Variants in ERBB4 observed in about 807,000 individuals in gnomAD.
ERBB4 encodes erb-b2 receptor tyrosine kinase 4.
ERBB4 carries 42 observed loss-of-function variants against 158.0 expected under a neutral mutation model. The observed-to-expected ratio is 0.27, with a 90% CI of 0.21 to 0.34. ERBB4 has a LOEUF of 0.34. ERBB4 is among the 10% of genes least tolerant of loss of function. ERBB4 has a pLI of 1.00. For synonymous variants in ERBB4, 583 were observed against 558.7 expected, an observed-to-expected ratio of 1.04 and a Z score of -0.61; for missense variants, 1,333 against 1,624.1, an observed-to-expected ratio of 0.82 and a Z score of 3.08.
At chr2:211,415,366 G>A (rs899025286) in intron 25 of ERBB4, among the ~76,000 whole-genome samples, 6 of 151,138 alleles carry the variant, frequency 4.0e-5, no homozygotes, top group African/African-American at 9.8e-5. Context: ...TGATCCGCCC[G>A]CCTCTGCCTC....
chr2:212,086,762 C>G (rs2078626736), intron 2 of ERBB4, among the ~76,000 whole-genome samples: 1 of 152,050 alleles, frequency 6.6e-6, no homozygotes, highest in South Asian at 2.1e-4. Context: ...ACGGCTTCCC[C>G]TTATCTTCCA....
At chr2:211,602,383 C>A (rs1324997180) in intron 19 of ERBB4, among the ~76,000 whole-genome samples, 1 of 151,984 alleles carries the variant, frequency 6.6e-6, no homozygotes, top group African/African-American at 2.4e-5. Flanking sequence ...TACCAGCAAG[C>A]CCCCTCACAA....
chr2:212,485,230 T>C (rs1689910136), intron 1 of ERBB4, among the ~76,000 whole-genome samples: 1 of 152,184 alleles, frequency 6.6e-6, no homozygotes, highest in Admixed American at 6.5e-5. Context: ...TTCTATTAGC[T>C]CCACATCACC....
chr2:212,258,540 G>A (rs1007873084), intron 1 of ERBB4, among the ~76,000 whole-genome samples: 2 of 149,926 alleles, frequency 1.3e-5, no homozygotes, highest in African/African-American at 2.4e-5. Flanking sequence ...GTAATAAAAG[G>A]TAAATTTTAA....
chr2:211,653,864 T>C lies in ERBB4; in HGVS notation c.1946+3890A>G, dbSNP rs555260404. Reference sequence around the variant, plus strand: ...TAATTTTTTGTATTTTTAGTAGAGATGGGGTTTCACCGTGTTAGCCAGGCT... The same window carrying C: ...TAATTTTTTGTATTTTTAGTAGAGACGGGGTTTCACCGTGTTAGCCAGGCT... On this transcript the variant is annotated intron_variant, in intron 16 of 27. Coordinates refer to ENST00000342788, the MANE Select transcript of ERBB4 (RefSeq NM_005235.3). Among the ~76,000 whole-genome samples, 62 of 152,036 alleles carry C rather than the reference T, an allele frequency of 4.1e-4. 1 individual carries two copies. The South Asian group carries it at 9.4e-3, about 23-fold the overall frequency.
At chr2:211,741,780 T>C (rs1168778743) in intron 5 of ERBB4, among the ~76,000 whole-genome samples, 1 of 152,152 alleles carries the variant, frequency 6.6e-6, no homozygotes, top group Non-Finnish European at 1.5e-5. Flanking sequence ...ATTTTAAATA[T>C]ATACATCTCC....
intron 1 of ERBB4, among the ~76,000 whole-genome samples, chr2:212,489,597 G>A (rs1053439897): frequency 2.0e-5 from 3 of 151,770 alleles, no homozygotes; most frequent in African/African-American, 7.3e-5. Flanking sequence ...TATCTTGCTA[G>A]CTCCTGATAG....
At chr2:212,187,509 G>A (rs921312729) in intron 1 of ERBB4, among the ~76,000 whole-genome samples, 1 of 151,816 alleles carries the variant, frequency 6.6e-6, no homozygotes, top group Non-Finnish European at 1.5e-5. Flanking sequence ...GACAATACAT[G>A]TTAATAAATA....
At chr2:212,277,417 A>C (rs1466549979) in intron 1 of ERBB4, among the ~76,000 whole-genome samples, 4 of 151,670 alleles carry the variant, frequency 2.6e-5, no homozygotes, top group Non-Finnish European at 4.4e-5. Flanking sequence ...ACACGATTTC[A>C]CCCCCGAATA....
chr2:212,285,988 C>A (rs1574599956), intron 1 of ERBB4, among the ~76,000 whole-genome samples: 1 of 152,112 alleles, frequency 6.6e-6, no homozygotes, highest in Non-Finnish European at 1.5e-5. Context: ...GTTTATCTTT[C>A]TGTCCTTTAC....
At chr2:212,291,416 TA>T (rs2086201706) in intron 1 of ERBB4, among the ~76,000 whole-genome samples, 1 of 152,154 alleles carries the variant, frequency 6.6e-6, no homozygotes, top group Non-Finnish European at 1.5e-5. Context: ...TTTTACTAGA[TA>T]TTTTTAATGG....
chr2:211,459,116 G>T (rs2064462136), intron 20 of ERBB4, among the ~76,000 whole-genome samples: 1 of 152,128 alleles, frequency 6.6e-6, no homozygotes, highest in African/African-American at 2.4e-5. Flanking sequence ...TTCTGTGTTT[G>T]AAGTTTCACA....
chr2:211,920,244 G>A (rs971820215), intron 3 of ERBB4, among the ~76,000 whole-genome samples: 2 of 151,960 alleles, frequency 1.3e-5, no homozygotes, highest in African/African-American at 4.8e-5. Context: ...GTGCGTCTGA[G>A]AGCATAATGG....
intron 1 of ERBB4, among the ~76,000 whole-genome samples, chr2:212,359,595 T>G (rs770949753): frequency 4.0e-5 from 6 of 151,730 alleles, no homozygotes; most frequent in Non-Finnish European, 7.4e-5. Context: ...GAGTTCTAGC[T>G]GCTGTAAACA....
At chr2:211,560,237 C>A (rs1304674288) in intron 20 of ERBB4, among the ~76,000 whole-genome samples, 4 of 140,326 alleles carry the variant, frequency 2.9e-5, no homozygotes, top group East Asian at 4.0e-4. Context: ...AAAATACAGA[C>A]AGCACTAACA....
intron 2 of ERBB4, among the ~76,000 whole-genome samples, chr2:212,034,087 G>C (rs539998897): frequency 6.6e-6 from 1 of 151,938 alleles, no homozygotes; most frequent in South Asian, 2.1e-4. Flanking sequence ...TTATGAGCAA[G>C]TCTGAAGATA....
At chr2:211,967,132 A>G (rs1242018616) in intron 2 of ERBB4, among the ~76,000 whole-genome samples, 1 of 152,160 alleles carries the variant, frequency 6.6e-6, no homozygotes, top group Non-Finnish European at 1.5e-5. Context: ...CTACACAGAA[A>G]CAATTGCTCA....
chr2:211,753,279 G>GAAA (rs34015788), intron 4 of ERBB4, among the ~76,000 whole-genome samples: 1 of 147,656 alleles, frequency 6.8e-6, no homozygotes, highest in African/African-American at 2.5e-5. Flanking sequence ...GCCTAGCATA[G>GAAA]AAAAAAAAAA....
Position 211,446,849 on chromosome 2 carries a change from C to T in ERBB4, c.2488-15749G>A, listed in dbSNP as rs17803801. 1.7e-4 allele frequency among the ~76,000 whole-genome samples: 26 copies of T among 151,920 alleles called. 1 individual carries two copies. The highest frequency in any genetic ancestry group is 4.3e-4 in the African/African-American group (18 of 41,384). On this transcript the variant is annotated intron_variant, in intron 20 of 27. Transcript: ENST00000342788. ...TTAACAATTTGGCTTCCAGTAATTC[C>T]TTCTACGCTTTTAGTTATAAATGAT...
Sources: gnomAD v4.1 joint callset for allele counts (sites outside exome capture counted in the v4.1 genomes callset) on GRCh38, gnomAD v4.1.1 for gene constraint, MANE v1.5 for transcripts, NCBI Gene and HGNC (gene_info 2026-07-23, HGNC 2026-07-21) for gene names.